The following DPP10 variants were observed in gnomAD, a reference collection of about 807,000 sequenced individuals.
The protein encoded by DPP10 is dipeptidyl peptidase like 10.
In DPP10, 33 loss-of-function variants were observed where a neutral mutation model predicts 120.9. The ratio of observed to expected loss-of-function variants is 0.27; its 90% CI spans 0.21 to 0.37. DPP10 has a LOEUF of 0.37. DPP10 is among the 10% of genes least tolerant of loss of function. The probability of loss-of-function intolerance (pLI) is 1.00; values close to 1 mark genes in which losing one functional copy is unlikely to be tolerated. For missense variants in DPP10, 816 were observed against 942.8 expected, an observed-to-expected ratio of 0.87 and a Z score of 1.76; for synonymous variants, 337 against 326.1, an observed-to-expected ratio of 1.03 and a Z score of -0.36.
intron 1 of DPP10, among the ~76,000 whole-genome samples, chr2:115,241,627 A>G (rs1300632315): frequency 2.0e-5 from 3 of 152,190 alleles, no homozygotes; most frequent in Non-Finnish European, 4.4e-5. Flanking sequence ...TGGCATCATC[A>G]TGAGAGAGAC....
chr2:115,707,298 C>T (rs1213883985), intron 7 of DPP10, among the ~76,000 whole-genome samples: 2 of 151,804 alleles, frequency 1.3e-5, no homozygotes, highest in African/African-American at 2.4e-5. Context: ...TTACAGAATA[C>T]TTGACATGTT....
At chr2:114,898,535 A>G (rs1473746384) in intron 1 of DPP10, among the ~76,000 whole-genome samples, 1 of 152,194 alleles carries the variant, frequency 6.6e-6, no homozygotes, top group Non-Finnish European at 1.5e-5. Flanking sequence ...GGTGGTAGGA[A>G]ATAAATAGTA....
chr2:115,725,569 G>A (rs570426073), intron 7 of DPP10, among the ~76,000 whole-genome samples: 2 of 152,264 alleles, frequency 1.3e-5, no homozygotes, highest in South Asian at 4.1e-4. Context: ...GTAATTACTG[G>A]TCAATAGTTT....
intron 1 of DPP10, among the ~76,000 whole-genome samples, chr2:114,697,763 A>AAAG (rs1371505907): frequency 1.3e-5 from 2 of 151,416 alleles, no homozygotes; most frequent in African/African-American, 4.8e-5. Context: ...AAAAAAAAAA[A>AAAG]AAAAAGACTA....
intron 1 of DPP10, among the ~76,000 whole-genome samples, chr2:114,513,392 G>T (rs1684316210): frequency 6.6e-6 from 1 of 151,718 alleles, no homozygotes. Flanking sequence ...GTGGTGGTGG[G>T]CACCTGTAAT....
chr2:115,189,749 A>T (rs905837065), intron 1 of DPP10, among the ~76,000 whole-genome samples: 1 of 152,182 alleles, frequency 6.6e-6, no homozygotes, highest in African/African-American at 2.4e-5. Flanking sequence ...TGCTGCCTCT[A>T]TGAGTCTGCG....
chr2:114,726,222 C>T (rs1006741618), intron 1 of DPP10, among the ~76,000 whole-genome samples: 4 of 143,798 alleles, frequency 2.8e-5, no homozygotes, highest in East Asian at 2.0e-4. Context: ...GGAAACAGAG[C>T]GAGACTACGT....
chr2:115,003,530 C>T (rs72945881), intron 1 of DPP10, among the ~76,000 whole-genome samples: 12,769 of 151,010 alleles, frequency 0.085, 613 homozygotes, highest in Middle Eastern at 0.13. Context: ...AGTCCAAAAA[C>T]GACCAAAAAA....
intron 8 of DPP10, among the ~76,000 whole-genome samples, chr2:115,736,301 G>A (rs1676495619): frequency 6.6e-6 from 1 of 152,112 alleles, no homozygotes; most frequent in Non-Finnish European, 1.5e-5. Context: ...GCATGTTAAA[G>A]GATGACATCC....
intron 1 of DPP10, among the ~76,000 whole-genome samples, chr2:114,899,053 T>C (rs763204461): frequency 5.9e-5 from 9 of 151,978 alleles, no homozygotes; most frequent in Non-Finnish European, 1.2e-4. Flanking sequence ...ATTAACTATG[T>C]AGATGAATAT....
intron 1 of DPP10, among the ~76,000 whole-genome samples, chr2:115,072,116 T>C (rs1271824831): frequency 3.9e-5 from 6 of 151,998 alleles, no homozygotes; most frequent in Non-Finnish European, 8.8e-5. Flanking sequence ...AAGACAGAAA[T>C]GAGTCACAGA....
intron 1 of DPP10, among the ~76,000 whole-genome samples, chr2:114,894,207 T>C (rs1206893554): frequency 1.3e-5 from 2 of 152,206 alleles, no homozygotes; most frequent in African/African-American, 4.8e-5. Flanking sequence ...GTGCAAGAGA[T>C]GAAGGTAAGA....
chr2:114,704,430 G>T (rs1002464489), intron 1 of DPP10, among the ~76,000 whole-genome samples: 1 of 152,156 alleles, frequency 6.6e-6, no homozygotes, highest in African/African-American at 2.4e-5. Context: ...GTAGATACTA[G>T]CCTATTCTGC....
At chr2:115,591,867 T>C (rs531170195) in intron 5 of DPP10, among the ~76,000 whole-genome samples, 2 of 152,236 alleles carry the variant, frequency 1.3e-5, no homozygotes, top group South Asian at 4.1e-4. Context: ...AAGAGGTCCT[T>C]CACATCCCTT....
chr2:115,687,485 GGATA>G (rs3043901), intron 5 of DPP10, among the ~76,000 whole-genome samples: 6,742 of 146,966 alleles, frequency 0.046, 287 homozygotes, highest in African/African-American at 0.11. Flanking sequence ...ATGGATGGAT[GGATA>G]GATAGATAGA....
intron 3 of DPP10, among the ~76,000 whole-genome samples, chr2:115,445,800 A>C (rs2072528346): frequency 6.6e-6 from 1 of 152,236 alleles, no homozygotes; most frequent in South Asian, 2.1e-4. Context: ...CTGAATGTTA[A>C]TAGCGAAGAC....
chr2:115,232,075 A>G (rs901120967), intron 1 of DPP10, among the ~76,000 whole-genome samples: 10 of 152,156 alleles, frequency 6.6e-5, no homozygotes, highest in Non-Finnish European at 1.3e-4. Flanking sequence ...GGCTGGCACA[A>G]GCCTTCTAAC....
At chr2:114,951,235 C>T (rs1000951272) in intron 1 of DPP10, among the ~76,000 whole-genome samples, 8 of 152,130 alleles carry the variant, frequency 5.3e-5, no homozygotes, top group African/African-American at 1.9e-4. Context: ...TTTTACAAGG[C>T]TCAGCTCAAG....
chr2:114,663,213 A>C (rs956643943), intron 1 of DPP10, among the ~76,000 whole-genome samples: 2 of 149,972 alleles, frequency 1.3e-5, no homozygotes, highest in African/African-American at 4.9e-5. Context: ...ATCTCCAGTA[A>C]ACAGATGTGT....
Sources: allele counts gnomAD v4.1 joint callset (sites outside exome capture counted in the v4.1 genomes callset), GRCh38; gene constraint gnomAD v4.1.1; transcripts MANE v1.5; gene names NCBI Gene and HGNC (gene_info 2026-07-23, HGNC 2026-07-21).